The following NCOA6 variants were observed in gnomAD, a reference collection of about 807,000 sequenced individuals.
NCOA6 encodes nuclear receptor coactivator 6, also known as NRC RAP250.
In NCOA6, 49 loss-of-function variants were observed where a neutral mutation model predicts 171.4. The ratio of observed to expected loss-of-function variants is 0.29; its 90% CI spans 0.23 to 0.36. The LOEUF is 0.36. Among genes scored for constraint, NCOA6 ranks in the 10% least tolerant of loss-of-function variants. NCOA6 has a pLI of 1.00. For synonymous variants in NCOA6, 910 were observed against 927.5 expected (o/e 0.98, Z 0.34); for missense variants, 2,248 against 2,554.5 (o/e 0.88, Z 2.59).
chr20:34,801,466 G>T (rs2078252981), intron 1 of NCOA6, among the ~76,000 whole-genome samples: 1 of 152,090 alleles, frequency 6.6e-6, no homozygotes, highest in Admixed American at 6.5e-5. Flanking sequence ...AACAAAAAAA[G>T]AGAGAAGACC....
chr20:34,771,745 C>A (rs1379169331), intron 4 of NCOA6, among the ~76,000 whole-genome samples: 1 of 152,192 alleles, frequency 6.6e-6, no homozygotes, highest in East Asian at 1.9e-4. Flanking sequence ...TTTCCTCTGC[C>A]TAGAACAGTT....
intron 1 of NCOA6, among the ~76,000 whole-genome samples, chr20:34,816,984 G>A (rs762628198): frequency 3.3e-5 from 5 of 151,342 alleles, no homozygotes; most frequent in African/African-American, 9.7e-5. Flanking sequence ...TTAGCTGGGC[G>A]TGGTGGCAGT....
At chr20:34,776,588 TAC>T in intron 3 of NCOA6, 140 bp from the exon 4 acceptor site, 2 of 990,902 alleles carry the variant, frequency 2.0e-6, no homozygotes, top group Non-Finnish European at 3.1e-6. Context: ...GCTTTGGAGC[TAC>T]AGACTCAAAT....
At chr20:34,762,882 G>T (rs538763146) in intron 5 of NCOA6, among the ~76,000 whole-genome samples, 1 of 152,244 alleles carries the variant, frequency 6.6e-6, no homozygotes, top group South Asian at 2.1e-4. Context: ...TGATAGTATA[G>T]CTATGTTTAA....
intron 1 of NCOA6, among the ~76,000 whole-genome samples, chr20:34,810,869 A>G (rs2078634562): frequency 6.6e-6 from 1 of 151,938 alleles, no homozygotes. Context: ...CTTAACCTCA[A>G]TATCCTTTTT....
intron 14 of NCOA6, among the ~76,000 whole-genome samples, chr20:34,720,613 C>T (rs1287292507): frequency 6.6e-6 from 1 of 152,216 alleles, no homozygotes; most frequent in African/African-American, 2.4e-5. Flanking sequence ...CACAGAATGT[C>T]TCTGATTTTG....
intron 1 of NCOA6, among the ~76,000 whole-genome samples, chr20:34,824,172 G>A (rs748599437): frequency 6.6e-6 from 1 of 152,126 alleles, no homozygotes; most frequent in Non-Finnish European, 1.5e-5. Flanking sequence ...ATACTGTTAT[G>A]CTTCATTTCT....
At chr20:34,747,428 C>T (rs2076341533) in intron 9 of NCOA6, among the ~76,000 whole-genome samples, 2 of 152,250 alleles carry the variant, frequency 1.3e-5, no homozygotes, top group South Asian at 4.1e-4. Context: ...AGACCACCAC[C>T]ACAAAGATTT....
intron 5 of NCOA6, among the ~76,000 whole-genome samples, chr20:34,765,064 T>G (rs1311907198): frequency 6.6e-6 from 1 of 150,600 alleles, no homozygotes; most frequent in Admixed American, 6.6e-5. Context: ...CAGGTTGCAG[T>G]GAGCTGAGAT....
intron 1 of NCOA6, among the ~76,000 whole-genome samples, chr20:34,799,597 G>A (rs781730952): frequency 1.3e-5 from 2 of 151,996 alleles, no homozygotes; most frequent in Non-Finnish European, 2.9e-5. Flanking sequence ...CAAGACAATA[G>A]AAACAAATAA....
In NCOA6 at chr20:34,735,620, C is replaced by T. The variant is rs1359710398; in HGVS notation, c.5962+1070G>A. 4.0e-5 allele frequency among the ~76,000 whole-genome samples: 6 copies of T among 148,354 alleles called. No individual in the cohort carries two copies. In the East Asian group the frequency reaches 1.0e-3, roughly 25 times the overall value. ...GATTGCGCCACTGCACTCCAGCCTGCGTGACAAAGCAAACTCCATCTCAAA... is the reference window on the plus strand; with the variant it reads ...GATTGCGCCACTGCACTCCAGCCTGTGTGACAAAGCAAACTCCATCTCAAA... On this transcript the variant is annotated intron_variant, in intron 12 of 14. Transcript: ENST00000359003.
intron 3 of NCOA6, among the ~76,000 whole-genome samples, 188 bp downstream of exon 3, chr20:34,781,933 A>T (rs1455276095): frequency 6.6e-6 from 1 of 152,210 alleles, no homozygotes; most frequent in African/African-American, 2.4e-5. Flanking sequence ...CTTTATGTTC[A>T]GTTCTTCTAT....
intron 1 of NCOA6, among the ~76,000 whole-genome samples, chr20:34,795,535 A>G (rs1024816106): frequency 2.0e-5 from 3 of 152,246 alleles, no homozygotes; most frequent in Non-Finnish European, 1.5e-5. Context: ...GTAATCTGAC[A>G]GAACTAGAAT....
intron 5 of NCOA6, among the ~76,000 whole-genome samples, chr20:34,759,946 A>G (rs1362029341): frequency 6.6e-6 from 1 of 152,144 alleles, no homozygotes; most frequent in African/African-American, 2.4e-5. Context: ...AAAATTTCTG[A>G]TACTGCTAAA....
Position 34,749,236 on chromosome 20 carries a change from G to A in NCOA6, c.2792+167C>T, listed in dbSNP as rs1452430366. Reference sequence around the variant, plus strand: ...CTTTGAAATACTCAAAAGGGTAATGGAAGAGAGTACAGATGAAGGCAAGAC... The same window carrying A: ...CTTTGAAATACTCAAAAGGGTAATGAAAGAGAGTACAGATGAAGGCAAGAC... On this transcript the variant is annotated intron_variant, in intron 9 of 14. Coordinates refer to ENST00000359003, the MANE Select transcript of NCOA6 (RefSeq NM_014071.5). Among the ~76,000 whole-genome samples the A allele has an allele frequency of 2.0e-5, 3 of 152,190 alleles. No homozygotes were observed. In the East Asian group the frequency reaches 5.8e-4, roughly 29 times the overall value.
chr20:34,816,526 A>G (rs549229462), intron 1 of NCOA6, among the ~76,000 whole-genome samples: 85 of 152,282 alleles, frequency 5.6e-4, no homozygotes, highest in Admixed American at 2.0e-3. Flanking sequence ...CAGCCTCTCA[A>G]GTAGGTGCGA....
chr20:34,824,608 T>C (rs942145180), intron 1 of NCOA6, among the ~76,000 whole-genome samples: 3 of 152,190 alleles, frequency 2.0e-5, no homozygotes, highest in African/African-American at 7.2e-5. Flanking sequence ...CCTAAGTTGA[T>C]AAAGGTTCTC....
Position 34,792,546 on chromosome 20 carries a change from A to G in NCOA6, c.-146T>C, listed in dbSNP as rs1449345262. On this transcript the variant is annotated 5_prime_UTR_variant, in exon 2 of 15. Transcript: ENST00000359003. ...GGCTTGGATTTCAAGGTAGCAGCCC[A>G]GCAGCCAAATCAAAATTCTAAAAAC... The G allele has an allele frequency of 5.0e-6, 2 of 398,650 alleles. No individual in the cohort carries two copies. Among genetic ancestry groups the G allele is most frequent in the African/African-American group, 4.1e-5 (2 of 48,584 alleles). The allele number at this position is 398,650 out of a possible 1,614,324, so 24.7% of individuals were successfully genotyped here.
chr20:34,797,856 T>C (rs1473164117), intron 1 of NCOA6, among the ~76,000 whole-genome samples: 1 of 151,954 alleles, frequency 6.6e-6, no homozygotes, highest in Admixed American at 6.6e-5. Flanking sequence ...ATCACACCAT[T>C]GTACTCCAGC....
Sources: allele counts gnomAD v4.1 joint callset (sites outside exome capture counted in the v4.1 genomes callset), GRCh38; gene constraint gnomAD v4.1.1; transcripts MANE v1.5; gene names NCBI Gene and HGNC (gene_info 2026-07-23, HGNC 2026-07-21).